RNF144A: variants seen among roughly 807,000 people sequenced by gnomAD.
RNF144A encodes the protein ring finger protein 144A.
Under a neutral mutation model 38.7 loss-of-function variants are expected in RNF144A, and 11 were observed. The observed-to-expected ratio is 0.28, with a 90% CI of 0.18 to 0.47. The LOEUF is 0.47. Ranked by LOEUF, RNF144A falls within the 20% of genes least tolerant of loss-of-function variation. The pLI is 0.99. For missense variants in RNF144A, 316 were observed against 377.2 expected (o/e 0.84, Z 1.34); for synonymous variants, 149 against 143.9 (o/e 1.04, Z -0.25).
chr2:7,033,377 C>T (rs995854192), intron 8 of RNF144A, among the ~76,000 whole-genome samples: 6 of 152,270 alleles, frequency 3.9e-5, no homozygotes, highest in East Asian at 1.9e-4. Context: ...GATATCCTCA[C>T]GCCATCGTGC....
Position 7,020,498 on chromosome 2 carries a change from T to G in RNF144A, c.327T>G (p.Thr109=), listed in dbSNP as rs958124061. 2 of 1,613,762 alleles carry G rather than the reference T, an allele frequency of 1.2e-6. No homozygotes were observed. The highest frequency in any genetic ancestry group is 2.7e-5 in the African/African-American group (2 of 74,926). Residue 109 remains threonine, a synonymous_variant, in exon 6 of 9, where the codon ACT becomes ACG. Coordinates refer to ENST00000320892, the MANE Select transcript of RNF144A (RefSeq NM_014746.6). ...AGGTGCTGTTTGATCCCTGTCGGAC[T>G]TGGTGCCCGGCGTCCACCTGCCAAG... ...EREVLFDPCR[T]WCPASTCQAV...
At chr2:7,049,518 A>G (rs138046930) in intron 6 of RNF144A, among the ~76,000 whole-genome samples, 5 of 152,306 alleles carry the variant, frequency 3.3e-5, no homozygotes, top group African/African-American at 9.6e-5. Context: ...GGAATCCACA[A>G]AGGATGAAGA....
chr2:7,075,305 T>C, the RNF144A span, among the ~76,000 whole-genome samples: 1 of 146,564 alleles, frequency 6.8e-6, no homozygotes, highest in Admixed American at 6.7e-5. Context: ...CAGTGTTCTC[T>C]TCTCATGGGC....
intron 2 of RNF144A, among the ~76,000 whole-genome samples, chr2:6,976,371 G>A (rs544442517): frequency 3.3e-5 from 5 of 151,924 alleles, no homozygotes; most frequent in African/African-American, 4.8e-5. Flanking sequence ...TTTGAGGGCC[G>A]TTTTTCTTTT....
chr2:6,927,462 C>T (rs182216021), intron 1 of RNF144A, among the ~76,000 whole-genome samples: 6 of 152,352 alleles, frequency 3.9e-5, no homozygotes, highest in Middle Eastern at 3.4e-3. Flanking sequence ...CCAGCCTAGG[C>T]GACTGATCAG....
Position 7,044,014 on chromosome 2 carries a change from T to G in RNF144A, c.*4254T>G. ...GTGATGTATAAAAGAGCTGTTTGAA[T>G]GCCTTTTAATGTTGTGTTTTGTACT... On this transcript the variant is annotated 3_prime_UTR_variant, in exon 9 of 9. Transcript: ENST00000320892. 2 of 985,850 alleles carry G rather than the reference T, an allele frequency of 2.0e-6. No individual in the cohort carries two copies. The highest frequency in any genetic ancestry group is 2.4e-6 in the Non-Finnish European group (2 of 829,884). 61.1% of individuals were successfully genotyped at this position (985,850 alleles called of 1,614,324 possible). A position where few individuals can be genotyped will look rare whatever the true frequency, so the allele number is the denominator to read the frequency against.
chr2:6,925,300 C>T (rs764829011), intron 1 of RNF144A, among the ~76,000 whole-genome samples: 2 of 152,200 alleles, frequency 1.3e-5, no homozygotes, highest in African/African-American at 2.4e-5. Flanking sequence ...CAGTGAAGCA[C>T]TATCCAAGGC....
At position 6,958,003 on chromosome 2, in the gene RNF144A, A is replaced by G. The variant is rs984319488; in HGVS notation, c.-12+16856A>G. Among the ~76,000 whole-genome samples the G allele has an allele frequency of 3.3e-5, 5 of 152,206 alleles. No homozygotes were observed. Among genetic ancestry groups the G allele is most frequent in the African/African-American group, 1.2e-4 (5 of 41,456 alleles). On this transcript the variant is annotated intron_variant, in intron 2 of 8. Transcript: ENST00000320892. The surrounding 1 kb of genome is among the most constrained non-coding windows in gnomAD (Gnocchi z 4.5). ...TAATCTTGGATTTGCCCAGTTAGGC[A>G]ACGACAGAATGGGGTGGGGGAGTCG...
chr2:6,951,253 T>G (rs186741112), intron 2 of RNF144A, among the ~76,000 whole-genome samples: 1 of 151,336 alleles, frequency 6.6e-6, no homozygotes, highest in Non-Finnish European at 1.5e-5. Flanking sequence ...CACTCTGTTA[T>G]GTGTCATGTT....
chr2:6,960,357 C>G (rs992815388), intron 2 of RNF144A, among the ~76,000 whole-genome samples: 1 of 152,186 alleles, frequency 6.6e-6, no homozygotes, highest in Non-Finnish European at 1.5e-5. Context: ...ATGAGCCCAG[C>G]TGAAGGTGGC....
downstream of RNF144A, chr2:7,044,180 C>T (rs774244706): frequency 5.1e-6 from 5 of 985,526 alleles, no homozygotes; most frequent in South Asian, 4.7e-5. Flanking sequence ...CTTTTGTAAA[C>T]CCCGCGTGGC....
At position 7,042,869 on chromosome 2, in the gene RNF144A, C is replaced by A; in HGVS notation, c.*3109C>A. The A allele has an allele frequency of 1.0e-6, 1 of 978,524 alleles. No homozygotes were observed. The highest frequency in any genetic ancestry group is 1.1e-4 in the East Asian group (1 of 8,794). The allele number at this position is 978,524 out of a possible 1,614,324, so 60.6% of individuals were successfully genotyped here. Reference sequence around the variant, plus strand: ...ATCTGCCACCTCTGGCATTTTCTTTCTTTTTTTTTCTTTTTGAGACGGAGT... The same window carrying A: ...ATCTGCCACCTCTGGCATTTTCTTTATTTTTTTTTCTTTTTGAGACGGAGT... On this transcript the variant is annotated 3_prime_UTR_variant, in exon 9 of 9. Transcript: ENST00000320892.
At chr2:6,948,211 G>T (rs995884921) in intron 2 of RNF144A, among the ~76,000 whole-genome samples, 2 of 152,202 alleles carry the variant, frequency 1.3e-5, no homozygotes, top group Non-Finnish European at 2.9e-5. Flanking sequence ...TGATGGTGCT[G>T]CAGGGCTGCA....
rs868067992 is a variant in RNF144A at position 7,020,673 on chromosome 2, G to A, written c.502G>A (p.Glu168Lys). 9.4e-6 allele frequency: 15 copies of A among 1,602,488 alleles called. No homozygotes were observed. The highest frequency in any genetic ancestry group is 2.2e-5 in the East Asian group (1 of 44,880). Residue 168 changes from glutamate (E) to lysine (K), a missense_variant, in exon 6 of 9, where the codon GAG becomes AAG. By Grantham distance (56) the Glu-to-Lys change is moderately conservative. Transcript: ENST00000320892. ...ETMPITFLPG[E>K]TSAAFKMEED... ...CATGCCGATCACCTTCCTCCCCGGGGAGACCAGGTACCCTTTGTACACAAG... is the reference window on the plus strand; with the variant it reads ...CATGCCGATCACCTTCCTCCCCGGGAAGACCAGGTACCCTTTGTACACAAG...
chr2:6,966,462 G>T (rs949893273), intron 2 of RNF144A, among the ~76,000 whole-genome samples: 1 of 152,220 alleles, frequency 6.6e-6, no homozygotes, highest in Non-Finnish European at 1.5e-5. Flanking sequence ...CGTGGTCAGC[G>T]TCACCCACTT....
chr2:7,039,833 C>G lies in RNF144A; in HGVS notation c.*73C>G. On this transcript the variant is annotated 3_prime_UTR_variant, in exon 9 of 9. Coordinates refer to ENST00000320892, the MANE Select transcript of RNF144A (RefSeq NM_014746.6). Reference sequence around the variant, plus strand: ...CTCCCCCAACCCTCCCCACCGTCCCCCCTTCACTAAACATCTTTCTTGCCT... The same window carrying G: ...CTCCCCCAACCCTCCCCACCGTCCCGCCTTCACTAAACATCTTTCTTGCCT... 1 of 1,569,864 alleles carries G rather than the reference C, an allele frequency of 6.4e-7. No homozygotes were observed. The highest frequency in any genetic ancestry group is 8.7e-7 in the Non-Finnish European group (1 of 1,156,044).
At position 6,996,418 on chromosome 2, in the gene RNF144A, G is replaced by A. The variant is rs562950992; in HGVS notation, c.-11-498G>A. Reference sequence around the variant, plus strand: ...TGGGTGTGTGGGTGAGTTGTTTGCCGTTTTGAGGGCAGACATGAAAGTTAC... The same window carrying A: ...TGGGTGTGTGGGTGAGTTGTTTGCCATTTTGAGGGCAGACATGAAAGTTAC... On this transcript the variant is annotated intron_variant, in intron 2 of 8. Transcript: ENST00000320892. 2.8e-4 allele frequency among the ~76,000 whole-genome samples: 43 copies of A among 152,272 alleles called. 1 individual carries two copies. Among genetic ancestry groups the A allele is most frequent in the African/African-American group, 9.4e-4 (39 of 41,546 alleles).
In RNF144A at chr2:7,039,942, G is replaced by C. The variant is rs1237508322; in HGVS notation, c.*182G>C. On this transcript the variant is annotated 3_prime_UTR_variant, in exon 9 of 9. Coordinates refer to ENST00000320892, the MANE Select transcript of RNF144A (RefSeq NM_014746.6). ...GTCACAATGTTCGCTGAGGCCCCAGGTGTGGTGGGGAGGGGAGGCAGGTGT... is the reference window on the plus strand; with the variant it reads ...GTCACAATGTTCGCTGAGGCCCCAGCTGTGGTGGGGAGGGGAGGCAGGTGT... 56 of 1,413,322 alleles carry C rather than the reference G, an allele frequency of 4.0e-5. No homozygotes were observed. The East Asian group carries it at 1.5e-3, about 37-fold the overall frequency. The allele number at this position is 1,413,322 out of a possible 1,614,324, so 87.5% of individuals were successfully genotyped here.
At chr2:6,995,306 C>T (rs1052815358) in intron 2 of RNF144A, among the ~76,000 whole-genome samples, 6 of 152,014 alleles carry the variant, frequency 3.9e-5, no homozygotes, top group Non-Finnish European at 8.8e-5. Flanking sequence ...ACAGCGGCAT[C>T]GTCAGATTCC....
Sources: gnomAD v4.1 joint callset for allele counts (sites outside exome capture counted in the v4.1 genomes callset) on GRCh38, gnomAD v4.1.1 for gene constraint, Gnocchi (gnomAD v3.1) non-coding constraint, MANE v1.5 for transcripts, NCBI Gene and HGNC (gene_info 2026-07-23, HGNC 2026-07-21) for gene names.